The following NLK variants were observed in gnomAD, a reference collection of about 807,000 sequenced individuals.
The protein encoded by NLK is serine/threonine-protein kinase NLK.
A neutral mutation model predicts 59.0 loss-of-function variants in NLK; 11 were observed. That is an observed-to-expected ratio of 0.19 (90% CI 0.12 to 0.31). NLK has a LOEUF of 0.31. NLK is among the 10% of genes least tolerant of loss of function. The pLI is 1.00. For synonymous variants in NLK, 235 were observed against 235.9 expected (o/e 1.00, Z 0.03); for missense variants, 410 against 661.1 (o/e 0.62, Z 4.16).
chr17:28,132,397 T>C (rs929738130), intron 2 of NLK, among the ~76,000 whole-genome samples: 1 of 152,216 alleles, frequency 6.6e-6, no homozygotes, highest in African/African-American at 2.4e-5. Flanking sequence ...GCGTGTGGTG[T>C]AACCCAATTG....
chr17:28,191,383 ATAT>A (rs895129403), intron 9 of NLK, among the ~76,000 whole-genome samples, 164 bp downstream of exon 9: 2 of 152,220 alleles, frequency 1.3e-5, no homozygotes, highest in African/African-American at 4.8e-5. Flanking sequence ...AGCATATTTA[ATAT>A]TATATCCAGG....
intron 7 of NLK, among the ~76,000 whole-genome samples, chr17:28,181,480 G>A (rs142361665): frequency 6.5e-4 from 99 of 151,796 alleles, no homozygotes; most frequent in African/African-American, 2.4e-3. Context: ...CAGGTAGGAG[G>A]ATCACTTGAG....
intron 1 of NLK, among the ~76,000 whole-genome samples, chr17:28,089,170 AG>A (rs1421626636): frequency 6.6e-6 from 1 of 152,184 alleles, no homozygotes; most frequent in Non-Finnish European, 1.5e-5. Flanking sequence ...CTATTGCCTC[AG>A]TCAAGATTCT....
Position 28,073,569 on chromosome 17 carries a change from T to C in NLK, c.458+30238T>C, listed in dbSNP as rs939749649. Among the ~76,000 whole-genome samples the C allele has an allele frequency of 7.9e-5, 12 of 152,374 alleles. No individual in the cohort carries two copies. In the South Asian group the frequency reaches 1.0e-3, roughly 13 times the overall value. On this transcript the variant is annotated intron_variant, in intron 1 of 10. Transcript: ENST00000407008. ...TGCTTTTCCATCTAATTTACTTTTATTCTATACTCATATCTTTAGGAATTA... is the reference window on the plus strand; with the variant it reads ...TGCTTTTCCATCTAATTTACTTTTACTCTATACTCATATCTTTAGGAATTA...
intron 3 of NLK, among the ~76,000 whole-genome samples, chr17:28,151,837 G>T (rs1015856622): frequency 2.0e-5 from 3 of 152,200 alleles, no homozygotes; most frequent in African/African-American, 4.8e-5. Context: ...GGATCCTGAA[G>T]ATAGTGACAT....
chr17:28,131,320 G>C (rs1420958685), intron 2 of NLK, among the ~76,000 whole-genome samples: 1 of 151,700 alleles, frequency 6.6e-6, no homozygotes, highest in Non-Finnish European at 1.5e-5. Flanking sequence ...TGAGAAAATA[G>C]AAAATTTGAG....
intron 2 of NLK, among the ~76,000 whole-genome samples, chr17:28,130,762 C>A (rs114605729): frequency 2.6e-5 from 4 of 152,174 alleles, no homozygotes; most frequent in African/African-American, 9.7e-5. Context: ...AAGTAAAACA[C>A]TAATTTCTAA....
intron 1 of NLK, among the ~76,000 whole-genome samples, chr17:28,081,700 T>C (rs1910352040): frequency 6.6e-6 from 1 of 152,142 alleles, no homozygotes; most frequent in South Asian, 2.1e-4. Flanking sequence ...AAATCAGGTT[T>C]TGTGTTCGTT....
chr17:28,102,942 T>C (rs1904953405), intron 1 of NLK, among the ~76,000 whole-genome samples: 1 of 152,096 alleles, frequency 6.6e-6, no homozygotes, highest in African/African-American at 2.4e-5. Context: ...ATGGAAAGAG[T>C]AAATGGTTTG....
intron 1 of NLK, among the ~76,000 whole-genome samples, chr17:28,110,160 A>G (rs746165996): frequency 6.4e-4 from 98 of 152,102 alleles, no homozygotes; most frequent in Non-Finnish European, 1.3e-3. Flanking sequence ...TTTATTCTTT[A>G]TGATTCTGTT....
intron 1 of NLK, among the ~76,000 whole-genome samples, chr17:28,098,735 T>G (rs1361564887): frequency 7.0e-6 from 1 of 142,514 alleles, no homozygotes; most frequent in Admixed American, 7.7e-5. Context: ...CAGGCTGGAG[T>G]GCAATGGCGC....
chr17:28,045,964 T>C (rs1909037418), intron 1 of NLK, among the ~76,000 whole-genome samples: 2 of 152,342 alleles, frequency 1.3e-5, no homozygotes, highest in Middle Eastern at 3.4e-3. Flanking sequence ...ACCGGGGTAT[T>C]ATAAGATTCA....
Position 28,042,740 on chromosome 17 carries a change from C to A in NLK, c.-134C>A. The A allele has an allele frequency of 1.2e-6, 1 of 803,790 alleles. No individual in the cohort carries two copies. Among genetic ancestry groups the A allele is most frequent in the Non-Finnish European group, 1.9e-6 (1 of 535,148 alleles). 49.8% of individuals were successfully genotyped at this position (803,790 alleles called of 1,614,324 possible). A position where few individuals can be genotyped will look rare whatever the true frequency, so the allele number is the denominator to read the frequency against. ...AAAATTAAACACCAAGATCCTCTAA[C>A]TTGTTTGGATTGACTGATGAAGACA... On this transcript the variant is annotated 5_prime_UTR_variant, in exon 1 of 11. Coordinates refer to ENST00000407008, the MANE Select transcript of NLK (RefSeq NM_016231.5).
chr17:28,174,093 A>G (rs1440011674), intron 7 of NLK, among the ~76,000 whole-genome samples: 1 of 152,196 alleles, frequency 6.6e-6, no homozygotes, highest in Non-Finnish European at 1.5e-5. Context: ...AATGTAACCT[A>G]CTGCACCAAA....
rs1233440326 is a variant in NLK at position 28,045,643 on chromosome 17, T to C, written c.458+2312T>C. Among the ~76,000 whole-genome samples the C allele has an allele frequency of 2.6e-5, 4 of 152,206 alleles. No individual in the cohort carries two copies. The East Asian group carries it at 5.8e-4, about 22-fold the overall frequency. On this transcript the variant is annotated intron_variant, in intron 1 of 10. Transcript: ENST00000407008. ...TTTTAGTATGCAAATGCTTTTCTAT[T>C]TTTATATTTACATGTCAATGACTTG... is the stretch of plus-strand genomic sequence containing the variant.
At chr17:28,063,849 C>T (rs539182268) in intron 1 of NLK, among the ~76,000 whole-genome samples, 2 of 152,252 alleles carry the variant, frequency 1.3e-5, no homozygotes, top group South Asian at 4.1e-4. Context: ...GTTGATTTAC[C>T]TGTTGAAAAA....
At chr17:28,095,367 G>A (rs972785962) in intron 1 of NLK, among the ~76,000 whole-genome samples, 3 of 152,024 alleles carry the variant, frequency 2.0e-5, no homozygotes, top group Non-Finnish European at 2.9e-5. Flanking sequence ...TATCAGATTC[G>A]TTCCATTCCT....
Position 28,043,232 on chromosome 17 carries a change from C to T in NLK, c.359C>T (p.Thr120Ile), listed in dbSNP as rs1201742809. 1.2e-6 allele frequency: 2 copies of T among 1,613,982 alleles called. No homozygotes were observed. Among genetic ancestry groups the T allele is most frequent in the East Asian group, 2.2e-5 (1 of 44,884 alleles). ...PAQVQAAAAA[T>I]VKAHHHQHSH... ...CAGGTACAGGCTGCCGCAGCTGCTACAGTTAAGGCGCACCATCATCAGCAC... is the reference window on the plus strand; with the variant it reads ...CAGGTACAGGCTGCCGCAGCTGCTATAGTTAAGGCGCACCATCATCAGCAC... Residue 120 changes from threonine to isoleucine, a missense_variant, in exon 1 of 11, where the codon ACA (threonine) becomes ATA (isoleucine). Around this residue, in one of 5 missense-constraint regions of NLK, gnomAD observed 160 missense variants for 171.0 expected, o/e 0.94. Transcript: ENST00000407008.
At chr17:28,099,446 A>G (rs1904822841) in intron 1 of NLK, among the ~76,000 whole-genome samples, 1 of 152,146 alleles carries the variant, frequency 6.6e-6, no homozygotes, top group Admixed American at 6.5e-5. Context: ...TCTCATCTGC[A>G]GCCCCAGGCA....
Sources: gnomAD v4.1 joint callset for allele counts (sites outside exome capture counted in the v4.1 genomes callset) on GRCh38, gnomAD v4.1.1 for gene constraint, gnomAD v4.1.1 regional missense constraint, MANE v1.5 for transcripts, NCBI Gene and HGNC (gene_info 2026-07-23, HGNC 2026-07-21) for gene names.